C2orf78: variants seen among roughly 807,000 people sequenced by gnomAD.
C2orf78 encodes uncharacterized protein C2orf78.
In C2orf78, 12 loss-of-function variants were observed where a neutral mutation model predicts 21.4. The ratio of observed to expected loss-of-function variants is 0.56; its 90% CI spans 0.36 to 0.91. C2orf78 has a LOEUF of 0.91. C2orf78 is among the 40% of genes least tolerant of loss of function. C2orf78 has a pLI of 0.01. For synonymous variants in C2orf78, 396 were observed against 413.9 expected (o/e 0.96, Z 0.52); for missense variants, 1,042 against 1,092.4 (o/e 0.95, Z 0.65).
chr2:73,816,802 C>A, exon 3 of C2orf78: 1 of 1,614,012 alleles, frequency 6.2e-7, no homozygotes, highest in South Asian at 1.1e-5. Context: ...TGGAGGAAAC[C>A]CACTGTTCCT....
At chr2:73,816,774 A>G in exon 3 of C2orf78, 1 of 1,614,000 alleles carries the variant, frequency 6.2e-7, no homozygotes, top group Non-Finnish European at 8.5e-7. Context: ...CCAAGACTTC[A>G]GCCTCCAACC....
At chr2:73,808,716 G>A (rs757525420) in intron 1 of C2orf78, 388 of 1,513,288 alleles carry the variant, frequency 2.6e-4, no homozygotes, top group Non-Finnish European at 3.2e-4. Context: ...GTAGAATCTT[G>A]GGGTTTCCTG....
chr2:73,815,707 A>G, exon 3 of C2orf78: 1 of 1,613,774 alleles, frequency 6.2e-7, no homozygotes, highest in Non-Finnish European at 8.5e-7. Context: ...ATAAAGGGTC[A>G]CTCTGATCAA....
chr2:73,813,447 G>C, intron 1 of C2orf78, 30 bp from the exon 2 acceptor site: 1 of 1,533,976 alleles, frequency 6.5e-7, no homozygotes, highest in Non-Finnish European at 8.7e-7. Flanking sequence ...ACTCTCATCG[G>C]TTTTTTCATC....
intron 1 of C2orf78, among the ~76,000 whole-genome samples, chr2:73,786,199 GT>G (rs1363736464): frequency 6.6e-6 from 1 of 151,874 alleles, no homozygotes; most frequent in African/African-American, 2.4e-5. Context: ...AGGCAACATG[GT>G]GAAACCCCAT....
In C2orf78 at chr2:73,816,829, C is replaced by T. The variant is rs182355775; in HGVS notation, c.2606C>T (p.Thr869Met). ...ACTGTTCCTGAGCCAGTAATGTCAACGCCCATCACAGAAGAGCAGAGGCCA... is the reference window on the plus strand; with the variant it reads ...ACTGTTCCTGAGCCAGTAATGTCAATGCCCATCACAGAAGAGCAGAGGCCA... Residue 869 changes from threonine (T) to methionine (M), a missense_variant, in exon 3 of 3, where the codon ACG (threonine) becomes ATG (methionine). Transcript: ENST00000409561. 887 of 1,613,972 alleles carry T rather than the reference C, an allele frequency of 5.5e-4. 3 individuals carry two copies. The African/African-American group carries it at 0.01, about 18-fold the overall frequency.
At position 73,808,381 on chromosome 2, in the gene C2orf78, T is replaced by C. The variant is rs1000694749; in HGVS notation, c.98-5096T>C. Among the ~76,000 whole-genome samples the C allele has an allele frequency of 7.3e-5, 11 of 151,378 alleles. 1 individual carries two copies. Among genetic ancestry groups the C allele is most frequent in the African/African-American group, 2.7e-4 (11 of 40,670 alleles). The stretch of plus-strand genomic sequence containing the variant: ...CCTTTCTCCCCAAGGATATTGTGTA[T>C]GTACTGTATAATTATAAATGCATAG... On this transcript the variant is annotated intron_variant, in intron 1 of 2. Transcript: ENST00000409561.
chr2:73,813,711 C>G (rs1320162081), exon 2 of C2orf78: 1 of 1,613,926 alleles, frequency 6.2e-7, no homozygotes, highest in East Asian at 2.2e-5. Context: ...TCTGGGGTTA[C>G]TGGCCAGAGC....
At chr2:73,813,616 G>C (rs1439084954) in exon 2 of C2orf78, 2 of 1,613,990 alleles carry the variant, frequency 1.2e-6, no homozygotes. Flanking sequence ...GCTCAGCATG[G>C]CTACAGCCAT....
exon 3 of C2orf78, chr2:73,816,480 C>G: frequency 6.2e-7 from 1 of 1,613,952 alleles, no homozygotes; most frequent in African/African-American, 1.3e-5. Context: ...TTACCCTGCT[C>G]GACCTGATTC....
exon 3 of C2orf78, chr2:73,816,549 T>G: frequency 6.2e-7 from 1 of 1,613,710 alleles, no homozygotes; most frequent in Non-Finnish European, 8.5e-7. Flanking sequence ...TACCAACACA[T>G]CTTTGACAGG....
At chr2:73,817,139 T>G (rs1558544260) in exon 3 of C2orf78, 34 of 905,516 alleles carry the variant, frequency 3.8e-5, no homozygotes, top group Non-Finnish European at 5.1e-5. Context: ...AGAGGCCTTT[T>G]GAGTTTTGAG....
chr2:73,815,925 C>T, exon 3 of C2orf78: 1 of 1,613,656 alleles, frequency 6.2e-7, no homozygotes, highest in Non-Finnish European at 8.5e-7. Flanking sequence ...AACTAAGAGC[C>T]ATGGGCAGGA....
At chr2:73,786,156 G>C (rs1056894880) in intron 1 of C2orf78, among the ~76,000 whole-genome samples, 1 of 152,000 alleles carries the variant, frequency 6.6e-6, no homozygotes, top group Non-Finnish European at 1.5e-5. Context: ...GACGCAGGCG[G>C]ATTGCCTGAG....
chr2:73,812,963 T>C (rs1467821698), intron 1 of C2orf78, among the ~76,000 whole-genome samples: 1 of 152,182 alleles, frequency 6.6e-6, no homozygotes, highest in Non-Finnish European at 1.5e-5. Context: ...AAAGTTCTAA[T>C]TTCCTGGTTT....
intron 1 of C2orf78, 39 bp from the exon 2 acceptor site, chr2:73,813,438 C>A: frequency 1.3e-6 from 2 of 1,506,908 alleles, no homozygotes; most frequent in Admixed American, 2.3e-5. Flanking sequence ...GAATTTTTCA[C>A]TCTCATCGGT....
exon 3 of C2orf78, chr2:73,815,750 T>C: frequency 5.6e-6 from 9 of 1,613,608 alleles, no homozygotes; most frequent in Non-Finnish European, 7.6e-6. Context: ...CTTCCGAGCC[T>C]ATCCAGGGTG....
chr2:73,810,948 A>G (rs940407361), intron 1 of C2orf78, among the ~76,000 whole-genome samples: 27 of 143,312 alleles, frequency 1.9e-4, no homozygotes, highest in African/African-American at 5.4e-4. Context: ...TGTATGTTAT[A>G]TATAATATAC....
intron 1 of C2orf78, among the ~76,000 whole-genome samples, chr2:73,786,111 G>A (rs1276690887): frequency 1.3e-5 from 2 of 151,966 alleles, no homozygotes; most frequent in Non-Finnish European, 2.9e-5. Context: ...AGGGTGCGGT[G>A]GCTCACACCT....
Sources: gnomAD v4.1 joint callset for allele counts (sites outside exome capture counted in the v4.1 genomes callset) on GRCh38, gnomAD v4.1.1 for gene constraint, MANE v1.5 for transcripts, NCBI Gene and HGNC (gene_info 2026-07-23, HGNC 2026-07-21) for gene names.